MYBL1: variants seen among roughly 807,000 people sequenced by gnomAD.
MYBL1 encodes the protein myb-related protein A.
Under a neutral mutation model 96.3 loss-of-function variants are expected in MYBL1, and 17 were observed. That is an observed-to-expected ratio of 0.18 (90% CI 0.12 to 0.26). The LOEUF is 0.26. MYBL1 is among the 10% of genes least tolerant of loss of function. The pLI is 1.00. For synonymous variants in MYBL1, 282 were observed against 292.7 expected (o/e 0.96, Z 0.37); for missense variants, 701 against 882.9 (o/e 0.79, Z 2.61).
At chr8:66,602,249 T>G (rs1405443060) in intron 2 of MYBL1, among the ~76,000 whole-genome samples, 169 bp downstream of exon 2, 1 of 151,892 alleles carries the variant, frequency 6.6e-6, no homozygotes, top group Non-Finnish European at 1.5e-5. Context: ...CGGGGTTTCA[T>G]CATGTTGGCC....
chr8:66,583,446 T>C (rs1344146504), intron 8 of MYBL1, among the ~76,000 whole-genome samples: 2 of 151,796 alleles, frequency 1.3e-5, no homozygotes, highest in Non-Finnish European at 2.9e-5. Flanking sequence ...AACCCAAAGC[T>C]AGCAGAGGAA....
Position 66,566,753 on chromosome 8 carries a change from T to C in MYBL1, c.1881A>G (p.Leu627=). The stretch of plus-strand genomic sequence containing the variant: ...CTTCTTTTTCCCAATTATCTAAGAC[T>C]AGTGATTTTCTGACTTTCTTCCCAG... The part of the protein sequence containing the change: ...TASGKKVRKS[L]VLDNWEKEES... The change falls in exon 14 of 16, where the codon CTA becomes CTG. Residue 627 remains leucine (L), a synonymous_variant. Transcript: ENST00000522677. 6.2e-7 allele frequency: 1 copy of C among 1,610,424 alleles called. No homozygotes were observed. Among genetic ancestry groups the C allele is most frequent in the Non-Finnish European group, 8.5e-7 (1 of 1,177,636 alleles).
In MYBL1 at chr8:66,577,792, C is replaced by T. The variant is rs1205847660; in HGVS notation, c.1102-1417G>A. Among the ~76,000 whole-genome samples, 12 of 152,254 alleles carry T rather than the reference C, an allele frequency of 7.9e-5. No individual in the cohort carries two copies. In the East Asian group the frequency reaches 2.3e-3, roughly 29 times the overall value. On this transcript the variant is annotated intron_variant, in intron 9 of 15. Transcript: ENST00000522677. ...CCAAGTCAATCCTAAGCCAAAAGAA[C>T]AAAGCTGGAGGCATCATGCTACCTG...
In MYBL1 at chr8:66,564,832, A is replaced by G; in HGVS notation, c.2131-7T>C. ...TTTCCCATTCACAATTTGACTAGAA[A>G]GGAAATATTAATAGTGACATGAAAA... is the stretch of plus-strand genomic sequence containing the variant. On this transcript the variant is annotated splice_polypyrimidine_tract_variant and splice_region_variant and intron_variant, in intron 15 of 15. Transcript: ENST00000522677. The G allele has an allele frequency of 6.5e-7, 1 of 1,547,684 alleles. No homozygotes were observed. The highest frequency in any genetic ancestry group is 8.8e-7 in the Non-Finnish European group (1 of 1,140,316).
At chr8:66,588,396 C>T (rs1456537397) in intron 8 of MYBL1, among the ~76,000 whole-genome samples, 1 of 151,662 alleles carries the variant, frequency 6.6e-6, no homozygotes, top group African/African-American at 2.4e-5. Flanking sequence ...CCTCCCACCT[C>T]ACCTTCCCAA....
chr8:66,589,634 C>G (rs1369764687), intron 8 of MYBL1, among the ~76,000 whole-genome samples: 3 of 152,088 alleles, frequency 2.0e-5, no homozygotes, highest in African/African-American at 7.2e-5. Context: ...GCATGTGCCA[C>G]CATGCCTATC....
At chr8:66,599,951 T>C (rs929966520) in intron 3 of MYBL1, among the ~76,000 whole-genome samples, 35 of 152,202 alleles carry the variant, frequency 2.3e-4, no homozygotes, top group African/African-American at 8.2e-4. Flanking sequence ...TGATTCCAAG[T>C]TATTAAGAAA....
In MYBL1 at chr8:66,576,206, C is replaced by A. The variant is rs1376555348; in HGVS notation, c.1271G>T (p.Gly424Val). 1 of 1,613,820 alleles carries A rather than the reference C, an allele frequency of 6.2e-7. No individual in the cohort carries two copies. The highest frequency in any genetic ancestry group is 8.5e-7 in the Non-Finnish European group (1 of 1,179,886). The change falls in exon 10 of 16, where the codon GGT becomes GTT. Residue 424 changes from glycine to valine, a missense_variant. This residue lies in a region of MYBL1 where 396 missense variants were observed against 407.4 expected (regional missense o/e 0.97). Coordinates refer to ENST00000522677, the MANE Select transcript of MYBL1 (RefSeq NM_001080416.4). ...TAAAGGAACAGCTTCACTGTTGCCA[C>A]CATTACAAGTGTTTTTTTTCCCTTC... ...VLEGKKNTCNGGNSEAVPLTS... is the reference protein window; with the variant it reads ...VLEGKKNTCNVGNSEAVPLTS...
rs1810586269 is a variant in MYBL1 at position 66,612,808 on chromosome 8, G to A, written c.20+11C>T. On this transcript the variant is annotated intron_variant, in intron 1 of 15. Coordinates refer to ENST00000522677, the MANE Select transcript of MYBL1 (RefSeq NM_001080416.4). ...GCGCCGACAGGCCTGGGCGAAAGGG[G>A]TGCCACCCACCTGCGCGACCTCTTC... 1.5e-6 allele frequency: 2 copies of A among 1,369,556 alleles called. No individual in the cohort carries two copies. Among genetic ancestry groups the A allele is most frequent in the Non-Finnish European group, 1.9e-6 (2 of 1,052,814 alleles). The allele number at this position is 1,369,556 out of a possible 1,614,324, so 84.8% of individuals were successfully genotyped here.
In MYBL1 at chr8:66,577,726, T is replaced by C. The variant is rs1395334315; in HGVS notation, c.1102-1351A>G. ...CTTTCTTCACAGAATTGGAAAAAAC[T>C]ACTTTAAAGTTCATATGGAACCAAA... On this transcript the variant is annotated intron_variant, in intron 9 of 15. Transcript: ENST00000522677. Among the ~76,000 whole-genome samples the C allele has an allele frequency of 2.6e-5, 4 of 152,220 alleles. No homozygotes were observed. In the East Asian group the frequency reaches 7.7e-4, roughly 29 times the overall value.
intron 12 of MYBL1, among the ~76,000 whole-genome samples, chr8:66,571,427 G>C (rs1808723227): frequency 6.6e-6 from 1 of 152,090 alleles, no homozygotes; most frequent in African/African-American, 2.4e-5. Flanking sequence ...GCATAGAAAA[G>C]GAAACTGAGC....
At chr8:66,592,317 C>A (rs974275621) in intron 8 of MYBL1, 123 bp downstream of exon 8, 23 of 658,674 alleles carry the variant, frequency 3.5e-5, no homozygotes, top group East Asian at 1.3e-4. Context: ...TAAAAAAAAA[C>A]AAAACTATTT....
chr8:66,593,342 C>T lies in MYBL1; in HGVS notation c.688-148G>A, dbSNP rs150886134. Reference sequence around the variant, plus strand: ...ATTTTGAAATGTTATACCTATAATACTTTCTTATCTATTAAATAACTACAG... The same window carrying T: ...ATTTTGAAATGTTATACCTATAATATTTTCTTATCTATTAAATAACTACAG... On this transcript the variant is annotated intron_variant, in intron 6 of 15. Transcript: ENST00000522677. 1,489 of 489,410 alleles carry T rather than the reference C, an allele frequency of 3.0e-3. 16 individuals carry two copies. The highest frequency in any genetic ancestry group is 0.026 in the African/African-American group (1,338 of 50,754). The allele number at this position is 489,410 out of a possible 1,614,324, so 30.3% of individuals were successfully genotyped here.
At chr8:66,578,188 A>C (rs1362297638) in intron 9 of MYBL1, among the ~76,000 whole-genome samples, 2 of 152,076 alleles carry the variant, frequency 1.3e-5, no homozygotes, top group East Asian at 1.9e-4. Flanking sequence ...TTCATGTCTA[A>C]AACACCAAAA....
intron 1 of MYBL1, among the ~76,000 whole-genome samples, chr8:66,610,048 G>C (rs768117914): frequency 6.6e-6 from 1 of 151,910 alleles, no homozygotes; most frequent in Non-Finnish European, 1.5e-5. Context: ...TGTAGTCATA[G>C]GTCATCTCAA....
chr8:66,612,672 T>C, intron 1 of MYBL1, 147 bp downstream of exon 1: 1 of 977,488 alleles, frequency 1.0e-6, no homozygotes, highest in Non-Finnish European at 1.4e-6. Flanking sequence ...CCTCCGGTCA[T>C]CGAGGCCAAG....
intron 9 of MYBL1, 105 bp downstream of exon 9, chr8:66,580,028 T>C (rs1809135215): frequency 2.5e-6 from 2 of 803,462 alleles, no homozygotes; most frequent in Non-Finnish European, 1.9e-6. Context: ...AAATTAAGCA[T>C]GGCATACAAA....
At chr8:66,611,210 T>G (rs1050617018) in intron 1 of MYBL1, among the ~76,000 whole-genome samples, 4 of 152,138 alleles carry the variant, frequency 2.6e-5, no homozygotes, top group African/African-American at 9.7e-5. Flanking sequence ...AAGAAACTGT[T>G]TCAAATAAGA....
Position 66,611,265 on chromosome 8 carries a change from C to T in MYBL1, c.20+1554G>A, listed in dbSNP as rs368372287. On this transcript the variant is annotated intron_variant, in intron 1 of 15. Transcript: ENST00000522677. Reference sequence around the variant, plus strand: ...GTAGATAATATCACACATTAATAAACTTGTTATTGAGTTAACATATTCAAT... The same window carrying T: ...GTAGATAATATCACACATTAATAAATTTGTTATTGAGTTAACATATTCAAT... 3.0e-4 allele frequency among the ~76,000 whole-genome samples: 45 copies of T among 152,200 alleles called. 1 individual carries two copies. The South Asian group carries it at 8.7e-3, about 29-fold the overall frequency.
Sources: gnomAD v4.1 joint callset for allele counts (sites outside exome capture counted in the v4.1 genomes callset) on GRCh38, gnomAD v4.1.1 for gene constraint, gnomAD v4.1.1 regional missense constraint, MANE v1.5 for transcripts, NCBI Gene and HGNC (gene_info 2026-07-23, HGNC 2026-07-21) for gene names.